The following RP1 variants were observed in gnomAD, a reference collection of about 807,000 sequenced individuals.
RP1 encodes the protein RP1 axonemal microtubule associated.
Under a neutral mutation model 14.8 loss-of-function variants are expected in RP1, and 16 were observed. The observed-to-expected ratio is 1.08, with a 90% CI of 0.73 to 1.65. RP1 has a LOEUF of 1.65. Among genes scored for constraint, RP1 ranks in the 40% most tolerant of loss-of-function variants. RP1 has a pLI of 0.00. For missense variants in RP1, 2,631 were observed against 2,535.0 expected, an observed-to-expected ratio of 1.04 and a Z score of -0.81; for synonymous variants, 876 against 883.6, an observed-to-expected ratio of 0.99 and a Z score of 0.15.
intron 7 of RP1, among the ~76,000 whole-genome samples, chr8:54,667,027 G>C (rs918599815): frequency 1.3e-5 from 2 of 152,062 alleles, no homozygotes; most frequent in African/African-American, 4.8e-5. Flanking sequence ...AGATATGGGG[G>C]CTCAGTAGAA....
chr8:54,632,592 C>T (rs1806269624), downstream of RP1, among the ~76,000 whole-genome samples: 1 of 152,052 alleles, frequency 6.6e-6, no homozygotes, highest in Non-Finnish European at 1.5e-5. Context: ...TTTTCTTTAC[C>T]TCTTACTAAT....
intron 1 of RP1, among the ~76,000 whole-genome samples, chr8:54,586,247 T>C (rs2129298906): frequency 6.6e-6 from 1 of 152,286 alleles, no homozygotes; most frequent in Middle Eastern, 3.4e-3. Context: ...TCTATTGGAG[T>C]TTCCTGGAGG....
chr8:54,728,439 G>A (rs1411478460), intron 17 of RP1, among the ~76,000 whole-genome samples: 1 of 152,106 alleles, frequency 6.6e-6, no homozygotes, highest in East Asian at 1.9e-4. Context: ...TACTTTTAAA[G>A]ATATCTAAAA....
At chr8:54,788,212 G>T (rs1380072741) in intron 24 of RP1, among the ~76,000 whole-genome samples, 1 of 152,164 alleles carries the variant, frequency 6.6e-6, no homozygotes, top group Non-Finnish European at 1.5e-5. Context: ...CTGCAGGCTG[G>T]AGTAGGAGGA....
chr8:54,650,499 A>C (rs1806634442), intron 4 of RP1, among the ~76,000 whole-genome samples: 1 of 152,190 alleles, frequency 6.6e-6, no homozygotes, highest in Non-Finnish European at 1.5e-5. Context: ...CATATAGTAC[A>C]TTCACAGTGT....
chr8:54,727,360 A>G (rs1191950406), intron 17 of RP1, among the ~76,000 whole-genome samples: 1 of 152,138 alleles, frequency 6.6e-6, no homozygotes, highest in Non-Finnish European at 1.5e-5. Context: ...AATTTCTCAC[A>G]GCAGAATTCA....
intron 28 of RP1, among the ~76,000 whole-genome samples, chr8:54,869,431 G>A (rs538525026): frequency 4.1e-4 from 62 of 152,100 alleles, no homozygotes; most frequent in Non-Finnish European, 7.9e-4. Flanking sequence ...TTCCATATAT[G>A]GTTTGTATTC....
chr8:54,790,932 T>G (rs1227460338), intron 24 of RP1, among the ~76,000 whole-genome samples: 1 of 152,192 alleles, frequency 6.6e-6, no homozygotes, highest in African/African-American at 2.4e-5. Context: ...ACAAAAAGCC[T>G]ATTTAAAGAA....
At position 54,846,718 on chromosome 8, in the gene RP1, T is replaced by C. The variant is rs146347917; in HGVS notation, c.3836-5856T>C. Among the ~76,000 whole-genome samples the C allele has an allele frequency of 3.3e-3, 495 of 152,258 alleles. 2 individuals carry two copies. The highest frequency in any genetic ancestry group is 0.01 in the African/African-American group (433 of 41,560). ...TATACTTTCTTCTCATTTCTGCCCC[T>C]CTTAATACTCCATACGGATACCTTA... On this transcript the variant is annotated intron_variant, in intron 25 of 28. Transcript: ENST00000637698.
chr8:54,787,265 G>A (rs1006168640), intron 24 of RP1, among the ~76,000 whole-genome samples: 17 of 152,048 alleles, frequency 1.1e-4, no homozygotes, highest in African/African-American at 3.1e-4. Context: ...TGTCCATTAC[G>A]GCAGAAAGTT....
exon 22 of RP1, chr8:54,759,076 G>A: frequency 2.6e-6 from 4 of 1,532,578 alleles, no homozygotes; most frequent in Non-Finnish European, 3.5e-6. Context: ...ACCTGTCAAA[G>A]GTAATGCTGG....
chr8:54,820,820 G>C (rs748380674), intron 24 of RP1, among the ~76,000 whole-genome samples: 1 of 152,092 alleles, frequency 6.6e-6, no homozygotes, highest in African/African-American at 2.4e-5. Flanking sequence ...GAGAGGGGAG[G>C]ATCGCTGCGG....
chr8:54,736,975 G>A (rs888616657), intron 18 of RP1, among the ~76,000 whole-genome samples: 1 of 152,002 alleles, frequency 6.6e-6, no homozygotes, highest in Non-Finnish European at 1.5e-5. Context: ...CTTCTCTGTG[G>A]GTATTGATTC....
At chr8:54,727,417 C>T (rs1007180695) in intron 17 of RP1, among the ~76,000 whole-genome samples, 1 of 152,028 alleles carries the variant, frequency 6.6e-6, no homozygotes, top group Non-Finnish European at 1.5e-5. Context: ...ATGGCCACCT[C>T]AAGTAAAATT....
intron 17 of RP1, among the ~76,000 whole-genome samples, chr8:54,727,070 A>G (rs1808674604): frequency 6.6e-6 from 1 of 152,078 alleles, no homozygotes. Flanking sequence ...CATTTTTTTA[A>G]AACCCGTCTT....
At chr8:54,782,960 C>A (rs2129380551) in intron 23 of RP1, among the ~76,000 whole-genome samples, 1 of 152,182 alleles carries the variant, frequency 6.6e-6, no homozygotes, top group South Asian at 2.1e-4. Flanking sequence ...AGCCCAATTC[C>A]TTTTGCCAAG....
intron 24 of RP1, among the ~76,000 whole-genome samples, chr8:54,788,634 G>T (rs186323149): frequency 2.6e-5 from 4 of 152,050 alleles, no homozygotes; most frequent in Non-Finnish European, 5.9e-5. Context: ...AAACTTTTTC[G>T]TTAGTTACAA....
chr8:54,638,078 A>T (rs193229229), intron 3 of RP1, among the ~76,000 whole-genome samples: 1 of 152,098 alleles, frequency 6.6e-6, no homozygotes, highest in East Asian at 1.9e-4. Flanking sequence ...TCCTCTCTAT[A>T]TTGAATGTCT....
chr8:54,652,832 A>G, exon 5 of RP1: 2 of 1,535,438 alleles, frequency 1.3e-6, no homozygotes, highest in Middle Eastern at 1.7e-4. Context: ...GGTCATACCA[A>G]CTCTGGATCC....
Sources: allele counts gnomAD v4.1 joint callset (sites outside exome capture counted in the v4.1 genomes callset), GRCh38; gene constraint gnomAD v4.1.1; transcripts MANE v1.5; gene names NCBI Gene and HGNC (gene_info 2026-07-23, HGNC 2026-07-21).